SRGAP2: variants seen among roughly 807,000 people sequenced by gnomAD.
The protein encoded by SRGAP2 is SLIT-ROBO Rho GTPase activating protein 2.
A neutral mutation model predicts 57.2 loss-of-function variants in SRGAP2; 15 were observed. The ratio of observed to expected loss-of-function variants is 0.26; its 90% CI spans 0.18 to 0.40. The LOEUF (loss-of-function observed/expected upper bound fraction) is 0.40, where lower values mean the gene tolerates loss of function less well. Among genes scored for constraint, SRGAP2 ranks in the 10% least tolerant of loss-of-function variants. The pLI, the probability that SRGAP2 is intolerant of heterozygous loss-of-function variation, is 1.00. For synonymous variants in SRGAP2, 249 were observed against 248.0 expected, an observed-to-expected ratio of 1.00 and a Z score of -0.04; for missense variants, 520 against 669.6, an observed-to-expected ratio of 0.78 and a Z score of 2.47.
intron 4 of SRGAP2, among the ~76,000 whole-genome samples, chr1:206,372,964 CCTTT>C (rs1171287240): frequency 0.081 from 1,889 of 23,248 alleles, 282 homozygotes; most frequent in East Asian, 0.11. Context: ...TCTTTTCTTT[CCTTT>C]CTTTCTTTCT....
chr1:206,384,393 C>T (rs1655989874), intron 5 of SRGAP2, among the ~76,000 whole-genome samples: 1 of 151,858 alleles, frequency 6.6e-6, no homozygotes, highest in Admixed American at 6.5e-5. Context: ...AAACCAGGGA[C>T]CCTGAACTAA....
chr1:206,391,615 GCACACACACA>G (rs201726708), intron 5 of SRGAP2, among the ~76,000 whole-genome samples: 2 of 115,478 alleles, frequency 1.7e-5, no homozygotes, highest in African/African-American at 7.6e-5. Context: ...ACACACACAT[GCACACACACA>G]CACACACACA....
intron 21 of SRGAP2, among the ~76,000 whole-genome samples, chr1:206,456,840 G>A (rs186946662): frequency 3.9e-5 from 6 of 152,082 alleles, no homozygotes; most frequent in South Asian, 2.1e-4. Context: ...TGAGTTTCCC[G>A]AGTGCCCAGG....
At chr1:206,394,512 G>A (rs1315851672) in intron 7 of SRGAP2, among the ~76,000 whole-genome samples, 3 of 152,174 alleles carry the variant, frequency 2.0e-5, no homozygotes, top group African/African-American at 4.8e-5. Context: ...TTATGGGTAA[G>A]CATTGCTGTC....
intron 2 of SRGAP2, among the ~76,000 whole-genome samples, chr1:206,262,343 A>G (rs1209261578): frequency 6.7e-6 from 1 of 148,738 alleles, no homozygotes; most frequent in Non-Finnish European, 1.5e-5. Context: ...TAATAGAAAT[A>G]AAGTTGGCCC....
chr1:206,216,331 A>T (rs1231996852), intron 2 of SRGAP2, among the ~76,000 whole-genome samples: 2 of 152,230 alleles, frequency 1.3e-5, no homozygotes, highest in Non-Finnish European at 2.9e-5. Flanking sequence ...GAAATTCCCG[A>T]GAGTTTAAAA....
At chr1:206,441,140 T>C (rs1662259447) in intron 17 of SRGAP2, among the ~76,000 whole-genome samples, 1 of 152,084 alleles carries the variant, frequency 6.6e-6, no homozygotes, top group Admixed American at 6.5e-5. Flanking sequence ...ATTTATGGAG[T>C]TGGAGAAGAC....
intron 5 of SRGAP2, among the ~76,000 whole-genome samples, chr1:206,390,916 C>T (rs1418595627): frequency 6.6e-6 from 1 of 152,064 alleles, no homozygotes; most frequent in Non-Finnish European, 1.5e-5. Flanking sequence ...CTCTAATGTA[C>T]TTTGATTTTG....
At chr1:206,313,921 A>G (rs1252333490) in intron 3 of SRGAP2, among the ~76,000 whole-genome samples, 2 of 151,612 alleles carry the variant, frequency 1.3e-5, no homozygotes, top group East Asian at 1.9e-4. Flanking sequence ...TACAGTCTAG[A>G]GACAGGTGGA....
At chr1:206,340,809 C>T (rs1418258721) in intron 3 of SRGAP2, among the ~76,000 whole-genome samples, 5 of 148,176 alleles carry the variant, frequency 3.4e-5, no homozygotes, top group Non-Finnish European at 7.5e-5. Context: ...ACTTTTTTTT[C>T]CCCAGATACT....
At chr1:206,263,570 A>G (rs1166351882) in intron 2 of SRGAP2, among the ~76,000 whole-genome samples, 1 of 151,754 alleles carries the variant, frequency 6.6e-6, no homozygotes, top group African/African-American at 2.4e-5. Flanking sequence ...AAAATAAATG[A>G]GCTTTTGTGA....
At chr1:206,253,573 C>CTTTTTTTTTTT (rs71264673) in intron 2 of SRGAP2, among the ~76,000 whole-genome samples, 1 of 101,664 alleles carries the variant, frequency 9.8e-6, no homozygotes, top group African/African-American at 3.8e-5. Flanking sequence ...TTCTTTCTTT[C>CTTTTTTTTTTT]TTTTTTTTTT....
intron 2 of SRGAP2, among the ~76,000 whole-genome samples, chr1:206,227,659 C>G (rs1443533921): frequency 6.6e-6 from 1 of 152,142 alleles, no homozygotes; most frequent in African/African-American, 2.4e-5. Flanking sequence ...AGTGCTTGTC[C>G]AGTAACCTCA....
intron 2 of SRGAP2, among the ~76,000 whole-genome samples, chr1:206,302,106 G>A (rs1671906464): frequency 6.6e-6 from 1 of 151,626 alleles, no homozygotes; most frequent in South Asian, 2.1e-4. Context: ...GCATAATATA[G>A]GTGCTCCTTT....
intron 4 of SRGAP2, among the ~76,000 whole-genome samples, chr1:206,383,311 C>T (rs1370613555): frequency 2.0e-5 from 3 of 151,398 alleles, no homozygotes; most frequent in East Asian, 1.9e-4. Context: ...AGGTGTGAGC[C>T]ACCGTGCCCA....
chr1:206,287,855 A>G (rs1373859389), intron 2 of SRGAP2, among the ~76,000 whole-genome samples: 1 of 105,900 alleles, frequency 9.4e-6, no homozygotes, highest in African/African-American at 5.9e-5. Flanking sequence ...GTAGAAATGG[A>G]AAATGATGAT....
chr1:206,314,106 T>G (rs1430801245), intron 3 of SRGAP2, among the ~76,000 whole-genome samples: 3,047 of 75,698 alleles, frequency 0.04, 107 homozygotes, highest in African/African-American at 0.12. Flanking sequence ...GTTTTTTTTG[T>G]TTTTTTTTTT....
In SRGAP2 at chr1:206,446,156, A is replaced by G. The variant is rs73074894; in HGVS notation, c.1956A>G (p.Pro652=). 1.6e-3 allele frequency: 1,223 copies of G among 780,914 alleles called. 14 individuals are homozygous for G. The African/African-American group carries it at 0.018, about 12-fold the overall frequency. The allele number at this position is 780,914 out of a possible 1,614,324, so 48.4% of individuals were successfully genotyped here. A position where few individuals can be genotyped will look rare whatever the true frequency, so the allele number is the denominator to read the frequency against. Residue 652 remains proline, a synonymous_variant, in exon 18 of 23, where the codon CCA becomes CCG. Coordinates refer to ENST00000573034, the MANE Select transcript of SRGAP2 (RefSeq NM_015326.5). ...ICFGPSLMSV[P]EGHDQVSCQA... ...TCGGGCCCTCGCTAATGTCAGTGCCAGAGGGCCACGACCAGGTGTCCTGCC... is the reference window on the plus strand; with the variant it reads ...TCGGGCCCTCGCTAATGTCAGTGCCGGAGGGCCACGACCAGGTGTCCTGCC...
intron 2 of SRGAP2, among the ~76,000 whole-genome samples, chr1:206,268,102 A>G (rs1418718720): frequency 1.3e-5 from 2 of 150,942 alleles, no homozygotes; most frequent in East Asian, 1.9e-4. Context: ...TTTTTAAATT[A>G]TACTTTAAGT....
Sources: allele counts gnomAD v4.1 joint callset (sites outside exome capture counted in the v4.1 genomes callset), GRCh38; gene constraint gnomAD v4.1.1; transcripts MANE v1.5; gene names NCBI Gene and HGNC (gene_info 2026-07-23, HGNC 2026-07-21).